PPP3CA: variants seen among roughly 807,000 people sequenced by gnomAD.
The protein encoded by PPP3CA is protein phosphatase 3 catalytic subunit alpha.
In PPP3CA, 14 loss-of-function variants were observed where a neutral mutation model predicts 66.5. The observed-to-expected ratio is 0.21, with a 90% confidence interval of 0.14 to 0.33. The LOEUF (loss-of-function observed/expected upper bound fraction) is 0.33. PPP3CA is among the 10% of genes least tolerant of loss of function. The probability of loss-of-function intolerance (pLI) is 1.00; values close to 1 mark genes in which losing one functional copy is unlikely to be tolerated. For synonymous variants in PPP3CA, 232 were observed against 226.2 expected (o/e 1.03, Z -0.23); for missense variants, 317 against 639.5 (o/e 0.50, Z 5.44).
intron 1 of PPP3CA, among the ~76,000 whole-genome samples, chr4:101,286,292 A>G (rs1727845934): frequency 6.6e-6 from 1 of 152,154 alleles, no homozygotes; most frequent in Non-Finnish European, 1.5e-5. Context: ...GGCCCAGGGG[A>G]CCCCTGCTTT....
intron 3 of PPP3CA, among the ~76,000 whole-genome samples, chr4:101,108,541 G>A (rs567516830): frequency 3.2e-4 from 48 of 152,230 alleles, no homozygotes; most frequent in African/African-American, 9.4e-4. Context: ...CGAGGTGGGC[G>A]GATCATCTGA....
chr4:101,328,320 C>G (rs1244874040), intron 1 of PPP3CA, among the ~76,000 whole-genome samples: 2 of 152,212 alleles, frequency 1.3e-5, no homozygotes, highest in African/African-American at 4.8e-5. Flanking sequence ...CAATCACCAT[C>G]TTTTCTTTCA....
At chr4:101,299,105 C>CG (rs1728290139) in intron 1 of PPP3CA, among the ~76,000 whole-genome samples, 2 of 110,678 alleles carry the variant, frequency 1.8e-5, no homozygotes, top group Admixed American at 9.7e-5. Flanking sequence ...TGCCATATAT[C>CG]GTTTTTTTTT....
intron 1 of PPP3CA, among the ~76,000 whole-genome samples, chr4:101,247,361 T>G (rs1396502101): frequency 6.6e-6 from 1 of 151,918 alleles, no homozygotes; most frequent in Non-Finnish European, 1.5e-5. Context: ...GGCATTTCAC[T>G]GTGTTGGCCA....
At chr4:101,341,932 T>C (rs976320058) in intron 1 of PPP3CA, among the ~76,000 whole-genome samples, 1 of 152,164 alleles carries the variant, frequency 6.6e-6, no homozygotes, top group Non-Finnish European at 1.5e-5. Flanking sequence ...TCTGCAAAAA[T>C]GCTGTTTTCC....
intron 1 of PPP3CA, among the ~76,000 whole-genome samples, chr4:101,337,878 C>T (rs891044543): frequency 1.3e-5 from 2 of 152,182 alleles, no homozygotes; most frequent in African/African-American, 4.8e-5. Flanking sequence ...ACTCACCATG[C>T]AGACATGCCA....
intron 10 of PPP3CA, among the ~76,000 whole-genome samples, chr4:101,050,680 A>C (rs1217896718): frequency 1.3e-5 from 2 of 152,212 alleles, no homozygotes; most frequent in Non-Finnish European, 1.5e-5. Context: ...TTACAGTACC[A>C]GCTGACTGAC....
At chr4:101,289,870 ATG>A (rs72004461) in intron 1 of PPP3CA, among the ~76,000 whole-genome samples, 33,502 of 141,548 alleles carry the variant, frequency 0.24, 4,199 homozygotes, top group Middle Eastern at 0.32. Flanking sequence ...ATGTCCGTGT[ATG>A]TGTGTGTGTG....
At chr4:101,248,762 A>T (rs1726572236) in intron 1 of PPP3CA, among the ~76,000 whole-genome samples, 1 of 152,234 alleles carries the variant, frequency 6.6e-6, no homozygotes, top group African/African-American at 2.4e-5. Flanking sequence ...AATGAAATTC[A>T]ATTTATTTCT....
intron 2 of PPP3CA, among the ~76,000 whole-genome samples, chr4:101,167,422 C>T (rs1445154693): frequency 1.3e-5 from 2 of 152,054 alleles, no homozygotes; most frequent in Admixed American, 6.6e-5. Flanking sequence ...TAAATCGTTA[C>T]CGAATATGTG....
intron 1 of PPP3CA, among the ~76,000 whole-genome samples, chr4:101,261,411 T>C (rs1727005606): frequency 6.6e-6 from 1 of 152,094 alleles, no homozygotes; most frequent in Admixed American, 6.6e-5. Flanking sequence ...AAAATATAAA[T>C]TTCTTTACTC....
intron 1 of PPP3CA, among the ~76,000 whole-genome samples, chr4:101,299,143 G>A (rs1310243885): frequency 7.3e-6 from 1 of 136,522 alleles, no homozygotes; most frequent in Admixed American, 7.4e-5. Flanking sequence ...GGTACAGAAG[G>A]GGTCTTGCTA....
intron 1 of PPP3CA, among the ~76,000 whole-genome samples, chr4:101,196,847 C>T (rs1181747976): frequency 6.6e-6 from 1 of 152,194 alleles, no homozygotes; most frequent in Admixed American, 6.5e-5. Context: ...TTCTTAACAG[C>T]AAGAAGCTCT....
intron 8 of PPP3CA, 33 bp from the exon 9 acceptor site, chr4:101,063,390 C>T (rs1728554663): frequency 2.5e-6 from 4 of 1,592,520 alleles, no homozygotes; most frequent in Non-Finnish European, 3.4e-6. Context: ...GTTAGGAACA[C>T]AGAACATATT....
At chr4:101,143,318 A>G (rs1369317768) in intron 2 of PPP3CA, among the ~76,000 whole-genome samples, 4 of 152,038 alleles carry the variant, frequency 2.6e-5, no homozygotes, top group African/African-American at 9.7e-5. Flanking sequence ...TTCTATTTCT[A>G]ACTTCTTTTC....
At chr4:101,254,360 G>A (rs76190084) in intron 1 of PPP3CA, among the ~76,000 whole-genome samples, 37 of 152,062 alleles carry the variant, frequency 2.4e-4, no homozygotes, top group African/African-American at 7.9e-4. Flanking sequence ...GTTATAGAAT[G>A]TGTATAGTTT....
At chr4:101,315,486 G>A (rs1345164045) in intron 1 of PPP3CA, among the ~76,000 whole-genome samples, 1 of 152,096 alleles carries the variant, frequency 6.6e-6, no homozygotes, top group Non-Finnish European at 1.5e-5. Flanking sequence ...ATATTTTGCT[G>A]TTTCTCATTA....
intron 1 of PPP3CA, among the ~76,000 whole-genome samples, chr4:101,235,482 T>C (rs1366871949): frequency 6.6e-6 from 1 of 151,400 alleles, no homozygotes; most frequent in African/African-American, 2.4e-5. Flanking sequence ...TGTGCATTTG[T>C]ATCACTGTTA....
chr4:101,150,665 A>G (rs994632932), intron 2 of PPP3CA, among the ~76,000 whole-genome samples: 1 of 152,208 alleles, frequency 6.6e-6, no homozygotes, highest in Non-Finnish European at 1.5e-5. Flanking sequence ...AAACATTGCT[A>G]AATAAAGCAT....
Sources: allele counts gnomAD v4.1 joint callset (sites outside exome capture counted in the v4.1 genomes callset), GRCh38; gene constraint gnomAD v4.1.1; transcripts MANE v1.5; gene names NCBI Gene and HGNC (gene_info 2026-07-23, HGNC 2026-07-21).